The following ROPN1 variants were observed in gnomAD, a reference collection of about 807,000 sequenced individuals.
The protein encoded by ROPN1 is rhophilin associated tail protein 1.
Under a neutral mutation model 20.5 loss-of-function variants are expected in ROPN1, and 14 were observed. The observed-to-expected ratio is 0.68, with a 90% CI of 0.45 to 1.07. ROPN1 has a LOEUF of 1.07. Among genes scored for constraint, ROPN1 ranks in the 50% least tolerant of loss-of-function variants. The probability of loss-of-function intolerance (pLI) is 0.00; values close to 1 mark genes in which losing one functional copy is unlikely to be tolerated. For synonymous variants in ROPN1, 76 were observed against 95.7 expected (o/e 0.79, Z 1.20); for missense variants, 169 against 242.8 (o/e 0.70, Z 2.02).
At chr3:123,981,166 G>T (rs2038139309) in intron 1 of ROPN1, among the ~76,000 whole-genome samples, 2 of 152,126 alleles carry the variant, frequency 1.3e-5, no homozygotes, top group Non-Finnish European at 2.9e-5. Flanking sequence ...CAGATCAAAA[G>T]ATTTTTTTCT....
intron 1 of ROPN1, among the ~76,000 whole-genome samples, chr3:123,985,071 G>C (rs2038223961): frequency 6.6e-6 from 1 of 152,238 alleles, no homozygotes; most frequent in Non-Finnish European, 1.5e-5. Flanking sequence ...GGTGTGCCAT[G>C]AAAGATTGAT....
chr3:123,973,498 C>T (rs1168439122), intron 4 of ROPN1, among the ~76,000 whole-genome samples: 2 of 152,082 alleles, frequency 1.3e-5, no homozygotes, highest in Non-Finnish European at 2.9e-5. Flanking sequence ...ATCCCACCTC[C>T]TTATTTTAGA....
Position 123,969,219 on chromosome 3 carries a change from A to G in ROPN1, c.575T>C (p.Ile192Thr), listed in dbSNP as rs1272703186. The change falls in exon 6 of 6, where the codon ATT (isoleucine) becomes ACT (threonine). Residue 192 changes from isoleucine to threonine, a missense_variant and splice_region_variant. Ile to Thr is a moderately conservative substitution (Grantham distance 89, BLOSUM62 -1). This residue lies in a region of ROPN1 where 82 missense variants were observed against 100.1 expected (regional missense o/e 0.82). Transcript: ENST00000405845. ...RMLNYMEQEVIGPDGIITVND... is the reference protein window; with the variant it reads ...RMLNYMEQEVTGPDGIITVND... ...CACTGTGATTATACCATCAGGGCCA[A>G]TTCTGTTTGGAAAAAGGTATATCTG... 5 of 1,612,984 alleles carry G rather than the reference A, an allele frequency of 3.1e-6. No individual in the cohort carries two copies. The highest frequency in any genetic ancestry group is 3.4e-6 in the Non-Finnish European group (4 of 1,178,974).
At chr3:123,969,365 G>A (rs1025011962) in intron 5 of ROPN1, 144 bp from the exon 6 acceptor site, 5 of 716,306 alleles carry the variant, frequency 7.0e-6, no homozygotes, top group Non-Finnish European at 1.2e-5. Flanking sequence ...CTGAGACAGG[G>A]TCTGGCTCTG....
At chr3:123,977,896 G>A (rs2038056384) in intron 2 of ROPN1, among the ~76,000 whole-genome samples, 1 of 152,160 alleles carries the variant, frequency 6.6e-6, no homozygotes, top group South Asian at 2.1e-4. Context: ...CCTGCAGCAG[G>A]GAATGGACAT....
chr3:123,973,713 A>T (rs1233380394), intron 4 of ROPN1, among the ~76,000 whole-genome samples: 1 of 152,196 alleles, frequency 6.6e-6, no homozygotes, highest in Non-Finnish European at 1.5e-5. Context: ...GGGTCTGTGA[A>T]GTAGACCACC....
At chr3:123,976,189 G>A (rs1451443464) in intron 3 of ROPN1, among the ~76,000 whole-genome samples, 5 of 152,178 alleles carry the variant, frequency 3.3e-5, no homozygotes, top group Non-Finnish European at 5.9e-5. Context: ...ACAGATGCCC[G>A]ATGAAGTGCT....
At chr3:123,973,795 G>A (rs1445390514) in intron 4 of ROPN1, among the ~76,000 whole-genome samples, 1 of 152,214 alleles carries the variant, frequency 6.6e-6, no homozygotes, top group Non-Finnish European at 1.5e-5. Flanking sequence ...GAACTGAAAT[G>A]AGCCAGTTGG....
intron 2 of ROPN1, among the ~76,000 whole-genome samples, chr3:123,978,215 GCA>G (rs1043114562): frequency 7.9e-5 from 12 of 151,768 alleles, no homozygotes; most frequent in African/African-American, 2.9e-4. Flanking sequence ...AGCAGGAAGG[GCA>G]CCTTTAACAA....
At chr3:123,984,869 C>T (rs949146280) in intron 1 of ROPN1, among the ~76,000 whole-genome samples, 2 of 152,158 alleles carry the variant, frequency 1.3e-5, no homozygotes, top group Non-Finnish European at 2.9e-5. Context: ...ACTTGAAGTG[C>T]CCTTCTTCTT....
At chr3:123,990,078 C>T (rs551211854) in intron 1 of ROPN1, among the ~76,000 whole-genome samples, 3 of 152,298 alleles carry the variant, frequency 2.0e-5, no homozygotes, top group Non-Finnish European at 2.9e-5. Context: ...CTCTGAAACA[C>T]GTTGACTGAC....
chr3:123,988,082 G>A (rs1288415325), intron 1 of ROPN1, among the ~76,000 whole-genome samples: 1 of 152,094 alleles, frequency 6.6e-6, no homozygotes, highest in Non-Finnish European at 1.5e-5. Context: ...ATAAGAGTAT[G>A]AAAGTCTTTA....
chr3:123,989,080 G>C (rs1247388755), intron 1 of ROPN1, among the ~76,000 whole-genome samples: 1 of 152,138 alleles, frequency 6.6e-6, no homozygotes, highest in Non-Finnish European at 1.5e-5. Context: ...AAGACAGCCG[G>C]GTACAGGGCA....
chr3:123,972,469 T>A (rs1404316903), intron 4 of ROPN1, among the ~76,000 whole-genome samples: 1 of 152,250 alleles, frequency 6.6e-6, no homozygotes, highest in Non-Finnish European at 1.5e-5. Flanking sequence ...AATATGTCAT[T>A]CCTTCCAGTG....
chr3:123,977,061 T>G, intron 2 of ROPN1, 80 bp from the exon 3 acceptor site: 1 of 1,424,374 alleles, frequency 7.0e-7, no homozygotes, highest in Non-Finnish European at 9.5e-7. Context: ...TTCCACCTTC[T>G]TCTGAGGGAA....
chr3:123,986,417 T>C (rs114727728), intron 1 of ROPN1, among the ~76,000 whole-genome samples: 3 of 151,608 alleles, frequency 2.0e-5, no homozygotes, highest in African/African-American at 7.3e-5. Flanking sequence ...GGAGCAGGGG[T>C]CCCTGATGGA....
At chr3:123,973,635 A>C (rs1318194037) in intron 4 of ROPN1, among the ~76,000 whole-genome samples, 1 of 152,206 alleles carries the variant, frequency 6.6e-6, no homozygotes, top group African/African-American at 2.4e-5. Context: ...CTGACTTTCC[A>C]AAGTCACTCT....
At chr3:123,981,572 GC>G (rs2038149111) in intron 1 of ROPN1, 1 of 153,806 alleles carries the variant, frequency 6.5e-6, no homozygotes, top group Non-Finnish European at 1.5e-5. Context: ...CCGCCTACAG[GC>G]AGGGGTAAGC....
At chr3:123,979,610 C>T (rs1282033540) in intron 2 of ROPN1, 3 of 361,288 alleles carry the variant, frequency 8.3e-6, no homozygotes, top group Non-Finnish European at 1.6e-5. Context: ...TGTGTAAGCT[C>T]CATCTACTGA....
Sources: gnomAD v4.1 joint callset for allele counts (sites outside exome capture counted in the v4.1 genomes callset) on GRCh38, gnomAD v4.1.1 for gene constraint, gnomAD v4.1.1 regional missense constraint, MANE v1.5 for transcripts, NCBI Gene and HGNC (gene_info 2026-07-23, HGNC 2026-07-21) for gene names.